Variants in XRN1 observed in about 807,000 individuals in gnomAD.
XRN1 encodes the protein strand-exchange protein 1 homolog.
A neutral mutation model predicts 222.3 loss-of-function variants in XRN1; 67 were observed. The ratio of observed to expected loss-of-function variants is 0.30; its 90% CI spans 0.25 to 0.37. XRN1 has a LOEUF of 0.37. Ranked by LOEUF, XRN1 falls within the 10% of genes least tolerant of loss-of-function variation. XRN1 has a pLI of 1.00. For missense variants in XRN1, 1,707 were observed against 2,000.2 expected, an observed-to-expected ratio of 0.85 and a Z score of 2.80; for synonymous variants, 643 against 652.4, an observed-to-expected ratio of 0.99 and a Z score of 0.22.
intron 19 of XRN1, among the ~76,000 whole-genome samples, chr3:142,398,779 A>G (rs2068022290): frequency 6.6e-6 from 1 of 152,186 alleles, no homozygotes; most frequent in African/African-American, 2.4e-5. Context: ...AATGACACTA[A>G]AAGGAAACAA....
At chr3:142,356,842 T>C (rs1254402304) in intron 31 of XRN1, 70 bp downstream of exon 31, 1 of 1,505,044 alleles carries the variant, frequency 6.6e-7, no homozygotes, top group East Asian at 2.3e-5. Flanking sequence ...TAGGTTTACA[T>C]TTACAAAGTC....
chr3:142,416,966 T>C (rs757203350), intron 13 of XRN1, among the ~76,000 whole-genome samples, 174 bp downstream of exon 13: 8 of 142,694 alleles, frequency 5.6e-5, no homozygotes, highest in Admixed American at 4.5e-4. Flanking sequence ...GAGGCGGAGA[T>C]TGCAATGAGC....
At chr3:142,416,588 T>C (rs2068797333) in intron 13 of XRN1, among the ~76,000 whole-genome samples, 2 of 152,224 alleles carry the variant, frequency 1.3e-5, no homozygotes, top group South Asian at 4.1e-4. Context: ...CCAGTAATTA[T>C]CAAGACTTTG....
chr3:142,399,942 T>C (rs1033693170), intron 19 of XRN1, among the ~76,000 whole-genome samples: 1 of 151,900 alleles, frequency 6.6e-6, no homozygotes, highest in African/African-American at 2.4e-5. Flanking sequence ...ATAAAATTTA[T>C]ATGAAATAAT....
At chr3:142,375,774 A>T (rs1206510832) in intron 25 of XRN1, 24 bp downstream of exon 25, 1 of 1,594,866 alleles carries the variant, frequency 6.3e-7, no homozygotes, top group East Asian at 2.3e-5. Flanking sequence ...TGGAATGACT[A>T]CTAGTATCTT....
chr3:142,447,732 C>T lies in XRN1; in HGVS notation c.75+138G>A. The T allele has an allele frequency of 9.6e-7, 1 of 1,042,404 alleles. No individual in the cohort carries two copies. The highest frequency in any genetic ancestry group is 2.2e-5 in the Admixed American group (1 of 44,958). The allele number at this position is 1,042,404 out of a possible 1,614,324, so 64.6% of individuals were successfully genotyped here. On this transcript the variant is annotated intron_variant, in intron 1 of 40. Transcript: ENST00000392981. This position sits in a 1 kb window ranked among gnomAD's most constrained non-coding sequence, Gnocchi z 4.2. The stretch of plus-strand genomic sequence containing the variant: ...GCTCATCCGGGCGTCCTCAAACCTT[C>T]CGTCCCCCTCCCTAATGCCACTAAT...
At position 142,427,337 on chromosome 3, in the gene XRN1, TA is replaced by T. The variant is rs1019622929; in HGVS notation, c.309-497del. On this transcript the variant is annotated intron_variant, in intron 2 of 40. Transcript: ENST00000392981. ...TGACACAGTGAGTCTCTGTCTCATT[TA>T]AAAAAAAAAAAATTGAATTTTTCGG... 2.5e-3 allele frequency among the ~76,000 whole-genome samples: 361 copies of T among 145,274 alleles called. 2 individuals are homozygous for T. The highest frequency in any genetic ancestry group is 0.023 in the East Asian group (114 of 5,024).
intron 1 of XRN1, among the ~76,000 whole-genome samples, chr3:142,445,961 T>C (rs2070481257): frequency 6.6e-6 from 1 of 152,240 alleles, no homozygotes; most frequent in Non-Finnish European, 1.5e-5. Context: ...GTTGCCCCAT[T>C]GCTTCCTTCT....
In XRN1 at chr3:142,370,553, A is replaced by G; in HGVS notation, c.3136T>C (p.Ser1046Pro). 1 of 1,608,598 alleles carries G rather than the reference A, an allele frequency of 6.2e-7. No homozygotes were observed. The highest frequency in any genetic ancestry group is 8.5e-7 in the Non-Finnish European group (1 of 1,178,120). The stretch of plus-strand genomic sequence containing the variant: ...GCATCCAGAATTTGTAAATCACAAG[A>G]AGAACGAGATAAAGTACTGACAGGA... The part of the protein sequence containing the change: ...GHPVSTLSRS[S>P]CDLQILDAAI... The change falls in exon 27 of 41, where the codon TCT becomes CCT. Residue 1046 changes from serine (S) to proline (P), a missense_variant. This residue lies in a region of XRN1 where 1,234 missense variants were observed against 1,518.2 expected (regional missense o/e 0.81). Transcript: ENST00000392981.
chr3:142,382,172 A>G (rs768482864), intron 22 of XRN1, among the ~76,000 whole-genome samples: 3 of 152,136 alleles, frequency 2.0e-5, no homozygotes, highest in Non-Finnish European at 4.4e-5. Context: ...GCAGCTAATA[A>G]ATAATCTGTA....
At chr3:142,433,556 G>T in intron 1 of XRN1, among the ~76,000 whole-genome samples, 1 of 152,028 alleles carries the variant, frequency 6.6e-6, no homozygotes, top group East Asian at 1.9e-4. Flanking sequence ...CTATTTAAAT[G>T]TTTGTGTTGG....
intron 20 of XRN1, among the ~76,000 whole-genome samples, chr3:142,390,552 A>G (rs1163154137): frequency 6.6e-6 from 1 of 152,254 alleles, no homozygotes; most frequent in Non-Finnish European, 1.5e-5. Context: ...GAAGAAAGGT[A>G]GGGCCTTACT....
At chr3:142,373,030 GAAC>G (rs1281011470) in intron 25 of XRN1, among the ~76,000 whole-genome samples, 5 of 151,818 alleles carry the variant, frequency 3.3e-5, no homozygotes, top group African/African-American at 7.3e-5. Context: ...CATCAGACAA[GAAC>G]AACAACAACA....
chr3:142,362,582 C>T (rs2066677624), intron 29 of XRN1, among the ~76,000 whole-genome samples: 1 of 145,586 alleles, frequency 6.9e-6, no homozygotes, highest in African/African-American at 2.5e-5. Context: ...TTCTTCGTCC[C>T]CCCTACCCCC....
chr3:142,428,591 G>C (rs1451913580), intron 2 of XRN1, among the ~76,000 whole-genome samples: 3 of 152,130 alleles, frequency 2.0e-5, no homozygotes, highest in Non-Finnish European at 4.4e-5. Flanking sequence ...ATGAAAAGAA[G>C]TAGACAGATG....
At chr3:142,426,626 A>C in intron 3 of XRN1, 118 bp downstream of exon 3, 1 of 898,408 alleles carries the variant, frequency 1.1e-6, no homozygotes, top group South Asian at 1.8e-5. Context: ...GTGGGAAAAT[A>C]CAGTAAATGG....
At chr3:142,409,143 C>T (rs2068464473) in intron 15 of XRN1, among the ~76,000 whole-genome samples, 3 of 152,124 alleles carry the variant, frequency 2.0e-5, no homozygotes, top group African/African-American at 7.2e-5. Flanking sequence ...TACACTGTGG[C>T]TTATCTACTC....
intron 3 of XRN1, among the ~76,000 whole-genome samples, chr3:142,426,234 AT>A (rs2069241729): frequency 6.6e-6 from 1 of 152,214 alleles, no homozygotes; most frequent in African/African-American, 2.4e-5. Flanking sequence ...GTAGAAGTAT[AT>A]AGAGTATGCT....
chr3:142,368,941 G>A (rs1404825997), intron 27 of XRN1, among the ~76,000 whole-genome samples: 1 of 152,144 alleles, frequency 6.6e-6, no homozygotes, highest in African/African-American at 2.4e-5. Context: ...TTATCTTTTT[G>A]AGGACACTCT....
Sources: gnomAD v4.1 joint callset for allele counts (sites outside exome capture counted in the v4.1 genomes callset) on GRCh38, gnomAD v4.1.1 for gene constraint, gnomAD v4.1.1 regional missense constraint, Gnocchi (gnomAD v3.1) non-coding constraint, MANE v1.5 for transcripts, NCBI Gene and HGNC (gene_info 2026-07-23, HGNC 2026-07-21) for gene names.